SOX5: variants seen among roughly 807,000 people sequenced by gnomAD.
SOX5 encodes transcription factor SOX-5.
A neutral mutation model predicts 92.0 loss-of-function variants in SOX5; 9 were observed. That is an observed-to-expected ratio of 0.10 (90% confidence interval 0.06 to 0.17). SOX5 has a LOEUF of 0.17. Among genes scored for constraint, SOX5 ranks in the 10% least tolerant of loss-of-function variants. The pLI, the probability that SOX5 is intolerant of heterozygous loss-of-function variation, is 1.00. For synonymous variants in SOX5, 344 were observed against 336.3 expected, an observed-to-expected ratio of 1.02 and a Z score of -0.25; for missense variants, 642 against 944.5, an observed-to-expected ratio of 0.68 and a Z score of 4.20.
intron 4 of SOX5, among the ~76,000 whole-genome samples, chr12:23,976,181 G>A (rs563046930): frequency 2.6e-5 from 4 of 151,682 alleles, no homozygotes; most frequent in Non-Finnish European, 4.4e-5. Context: ...ACTTTTCTCC[G>A]AGATGATTAA....
intron 10 of SOX5, among the ~76,000 whole-genome samples, chr12:23,566,605 C>T (rs910693272): frequency 6.6e-6 from 1 of 152,090 alleles, no homozygotes; most frequent in Admixed American, 6.6e-5. Flanking sequence ...TGGGCAAGCC[C>T]GAATTAAAAT....
chr12:24,386,482 C>T (rs910330875), intron 1 of SOX5, among the ~76,000 whole-genome samples: 23 of 152,052 alleles, frequency 1.5e-4, no homozygotes, highest in Admixed American at 1.2e-3. Flanking sequence ...TAAGGCCAGA[C>T]GCTTCATGAA....
intron 3 of SOX5, among the ~76,000 whole-genome samples, chr12:24,256,330 G>C (rs1392886287): frequency 1.3e-5 from 2 of 152,118 alleles, no homozygotes; most frequent in African/African-American, 4.8e-5. Flanking sequence ...CCATTCTGTA[G>C]TCTGAAGGGA....
At chr12:23,736,275 C>T (rs1281186528) in intron 5 of SOX5, among the ~76,000 whole-genome samples, 1 of 151,886 alleles carries the variant, frequency 6.6e-6, no homozygotes, top group Non-Finnish European at 1.5e-5. Context: ...TCCTGGCTAA[C>T]AGGGTGAAAC....
chr12:23,704,792 T>C (rs1251048578), intron 6 of SOX5, among the ~76,000 whole-genome samples: 1 of 148,938 alleles, frequency 6.7e-6, no homozygotes, highest in East Asian at 2.0e-4. Context: ...TCAAAGAAAG[T>C]AATAGAAGAC....
At chr12:23,597,365 A>C (rs1952648404) in intron 9 of SOX5, among the ~76,000 whole-genome samples, 1 of 152,154 alleles carries the variant, frequency 6.6e-6, no homozygotes, top group Admixed American at 6.5e-5. Context: ...TTTCTGCATC[A>C]TAAGAATATT....
chr12:24,161,815 A>G (rs917736898), intron 4 of SOX5, among the ~76,000 whole-genome samples: 1 of 152,172 alleles, frequency 6.6e-6, no homozygotes, highest in Non-Finnish European at 1.5e-5. Context: ...CAGAATGTCC[A>G]CTGGAGTCAT....
At chr12:23,834,941 T>C (rs960436829) in intron 3 of SOX5, among the ~76,000 whole-genome samples, 1 of 151,894 alleles carries the variant, frequency 6.6e-6, no homozygotes, top group African/African-American at 2.4e-5. Context: ...AGTTAAAATA[T>C]TGTATCTGTA....
At chr12:24,168,123 G>A (rs1051369787) in intron 4 of SOX5, among the ~76,000 whole-genome samples, 1 of 152,134 alleles carries the variant, frequency 6.6e-6, no homozygotes, top group East Asian at 1.9e-4. Flanking sequence ...TAAAATTTAT[G>A]CATATTTTGG....
rs370261810 is a variant in SOX5 at position 24,212,453 on chromosome 12, G to A, written c.-2+890C>T. 3 of 534,034 alleles carry A rather than the reference G, an allele frequency of 5.6e-6. No individual in the cohort carries two copies. The African/African-American group carries it at 5.8e-5, about 10-fold the overall frequency. 33.1% of individuals were successfully genotyped at this position (534,034 alleles called of 1,614,324 possible). The stretch of plus-strand genomic sequence containing the variant: ...TTCTACAGAAGACCTGGATGTGTAG[G>A]AGCTAAGACACACTCCAGGGGAGCT... On this transcript the variant is annotated intron_variant, in intron 4 of 4. Coordinates refer to the SOX5 transcript ENST00000446891.
intron 9 of SOX5, among the ~76,000 whole-genome samples, chr12:23,592,386 G>A (rs1462485250): frequency 6.6e-6 from 1 of 152,070 alleles, no homozygotes; most frequent in African/African-American, 2.4e-5. Flanking sequence ...TCACCCAATG[G>A]AATCAGCTAG....
rs1033677301 is a variant in SOX5 at position 24,016,840 on chromosome 12, G to T, written c.-1-120816C>A. ...GTGCTGAAAACCAAGGATTAGTGTGGTCATAGTTATCTGTGTCTCTGCTTC... is the reference window on the plus strand; with the variant it reads ...GTGCTGAAAACCAAGGATTAGTGTGTTCATAGTTATCTGTGTCTCTGCTTC... On this transcript the variant is annotated intron_variant, in intron 4 of 4. Transcript: ENST00000446891. 6.6e-5 allele frequency among the ~76,000 whole-genome samples: 10 copies of T among 152,124 alleles called. No homozygotes were observed. The South Asian group carries it at 8.3e-4, about 13-fold the overall frequency.
chr12:23,807,330 C>T (rs1378983641), intron 3 of SOX5, among the ~76,000 whole-genome samples: 3 of 152,070 alleles, frequency 2.0e-5, no homozygotes, highest in African/African-American at 7.2e-5. Flanking sequence ...AAGGTCTTTG[C>T]AGATTTAGTC....
chr12:24,494,451 A>AC (rs1337421330), intron 1 of SOX5, among the ~76,000 whole-genome samples: 1 of 152,206 alleles, frequency 6.6e-6, no homozygotes, highest in African/African-American at 2.4e-5. Context: ...CCTTATAACA[A>AC]CAGTATGAAA....
At chr12:23,909,782 T>C (rs747989267) in intron 1 of SOX5, among the ~76,000 whole-genome samples, 12 of 151,988 alleles carry the variant, frequency 7.9e-5, no homozygotes, top group Admixed American at 2.0e-4. Flanking sequence ...AGAAAAGTAA[T>C]CATCCATTGC....
chr12:24,271,741 T>C (rs1046914721), intron 3 of SOX5, among the ~76,000 whole-genome samples: 1 of 152,338 alleles, frequency 6.6e-6, no homozygotes, highest in Non-Finnish European at 1.5e-5. Context: ...TTTCTCCACT[T>C]TAAAGGACTG....
intron 1 of SOX5, among the ~76,000 whole-genome samples, chr12:24,525,660 A>G (rs1950637731): frequency 6.6e-6 from 1 of 152,086 alleles, no homozygotes; most frequent in Non-Finnish European, 1.5e-5. Flanking sequence ...TCACGAGGTC[A>G]GGACATCCAG....
chr12:23,713,547 T>G (rs1467795440), intron 6 of SOX5, among the ~76,000 whole-genome samples: 1 of 152,024 alleles, frequency 6.6e-6, no homozygotes, highest in Non-Finnish European at 1.5e-5. Context: ...TGTGGGATGT[T>G]GATTCTGTTA....
intron 2 of SOX5, among the ~76,000 whole-genome samples, chr12:24,327,111 T>C (rs887511249): frequency 6.6e-5 from 10 of 152,184 alleles, no homozygotes; most frequent in East Asian, 5.8e-4. Flanking sequence ...CAATAGGACA[T>C]TGATAGAAAT....
Sources: allele counts gnomAD v4.1 joint callset (sites outside exome capture counted in the v4.1 genomes callset), GRCh38; gene constraint gnomAD v4.1.1; transcripts MANE v1.5; gene names NCBI Gene and HGNC (gene_info 2026-07-23, HGNC 2026-07-21).